The following RBFOX1 variants were observed in gnomAD, a reference collection of about 807,000 sequenced individuals.
RBFOX1 encodes RNA binding protein fox-1 homolog 1.
RBFOX1 carries 8 observed loss-of-function variants against 57.7 expected under a neutral mutation model. The observed-to-expected ratio is 0.14, with a 90% confidence interval of 0.08 to 0.25. RBFOX1 has a LOEUF of 0.25. RBFOX1 is among the 10% of genes least tolerant of loss of function. The pLI is 1.00. For missense variants in RBFOX1, 611 were observed against 548.5 expected (o/e 1.11, Z -1.14); for synonymous variants, 326 against 222.4 (o/e 1.47, Z -4.15).
chr16:6,915,802 C>G (rs932091287), intron 3 of RBFOX1, among the ~76,000 whole-genome samples: 4 of 152,106 alleles, frequency 2.6e-5, no homozygotes, highest in African/African-American at 7.2e-5. Context: ...TCTGCCTGCC[C>G]TGGCCTCGCA....
At chr16:5,991,110 C>T (rs1347742228) in intron 4 of RBFOX1, among the ~76,000 whole-genome samples, 1 of 152,176 alleles carries the variant, frequency 6.6e-6, no homozygotes, top group African/African-American at 2.4e-5. Context: ...GCTTGGCTCC[C>T]CTTGCCCCTC....
intron 4 of RBFOX1, among the ~76,000 whole-genome samples, chr16:7,065,430 A>C (rs1449605523): frequency 6.6e-6 from 1 of 152,098 alleles, no homozygotes; most frequent in African/African-American, 2.4e-5. Context: ...CTCTGTCCAC[A>C]TGCTCCATGG....
Position 7,305,081 on chromosome 16 carries a change from G to C in RBFOX1, c.28-213066G>C, listed in dbSNP as rs538837790. ...GGCAATGCTGTGAAGAAGGTGAGCT[G>C]TTTAGGATGTTGTCTTTGTTGGCAT... On this transcript the variant is annotated intron_variant, in intron 4 of 15. Transcript: ENST00000550418. Among the ~76,000 whole-genome samples, 87 of 151,784 alleles carry C rather than the reference G, an allele frequency of 5.7e-4. 3 individuals carry two copies. The South Asian group carries it at 0.018, about 31-fold the overall frequency.
chr16:6,241,677 A>G (rs1403473979), intron 1 of RBFOX1, among the ~76,000 whole-genome samples: 3 of 152,200 alleles, frequency 2.0e-5, no homozygotes, highest in Non-Finnish European at 4.4e-5. Flanking sequence ...TTTAATGAAC[A>G]CTGATACTGA....
At chr16:5,500,035 A>C (rs1219315448) in intron 2 of RBFOX1, among the ~76,000 whole-genome samples, 2 of 152,008 alleles carry the variant, frequency 1.3e-5, no homozygotes, top group Non-Finnish European at 2.9e-5. Flanking sequence ...TCTGTGATCC[A>C]TGCAAACCCA....
At chr16:6,912,469 G>T (rs189068105) in intron 3 of RBFOX1, among the ~76,000 whole-genome samples, 1 of 152,082 alleles carries the variant, frequency 6.6e-6, no homozygotes, top group Admixed American at 6.6e-5. Flanking sequence ...CCAGCCCTGC[G>T]GCTCAGATAG....
At chr16:7,626,107 A>G (rs1040667053) in intron 10 of RBFOX1, among the ~76,000 whole-genome samples, 1 of 152,242 alleles carries the variant, frequency 6.6e-6, no homozygotes, top group Non-Finnish European at 1.5e-5. Context: ...AGAGCAAGGA[A>G]AAGATTTCCT....
At chr16:6,993,770 A>T (rs1296109716) in intron 3 of RBFOX1, among the ~76,000 whole-genome samples, 1 of 152,182 alleles carries the variant, frequency 6.6e-6, no homozygotes, top group Non-Finnish European at 1.5e-5. Flanking sequence ...GGGAGATCAT[A>T]AATCTGCCAT....
upstream of RBFOX1, among the ~76,000 whole-genome samples, chr16:6,018,091 C>G (rs537749681): frequency 4.2e-4 from 64 of 152,112 alleles, 2 homozygotes; most frequent in South Asian, 0.013. Flanking sequence ...CAAATTACAA[C>G]TCACTGAACC....
At chr16:6,495,781 C>T (rs1000398254) in intron 2 of RBFOX1, among the ~76,000 whole-genome samples, 4 of 152,286 alleles carry the variant, frequency 2.6e-5, no homozygotes, top group Admixed American at 1.3e-4. Context: ...TGGCCCAAAT[C>T]TCTCCTATGG....
intron 4 of RBFOX1, among the ~76,000 whole-genome samples, chr16:7,391,615 C>CT (rs1483264018): frequency 6.6e-6 from 1 of 152,182 alleles, no homozygotes; most frequent in Non-Finnish European, 1.5e-5. Flanking sequence ...TCATTTGTAG[C>CT]TTGCATCATC....
At chr16:6,640,408 A>G (rs978677393) in intron 2 of RBFOX1, among the ~76,000 whole-genome samples, 1 of 152,122 alleles carries the variant, frequency 6.6e-6, no homozygotes, top group Non-Finnish European at 1.5e-5. Context: ...CAGGAGTGTG[A>G]GACCAGCCTG....
chr16:6,988,133 T>G (rs1251026790), intron 3 of RBFOX1, among the ~76,000 whole-genome samples: 1 of 152,072 alleles, frequency 6.6e-6, no homozygotes, highest in Non-Finnish European at 1.5e-5. Flanking sequence ...TAGGAATACA[T>G]AAAAAAGAAA....
intron 1 of RBFOX1, among the ~76,000 whole-genome samples, chr16:6,170,381 A>T (rs925249281): frequency 6.6e-6 from 1 of 152,130 alleles, no homozygotes; most frequent in Non-Finnish European, 1.5e-5. Context: ...CATGTAATCA[A>T]TCTGCAGTAA....
chr16:5,969,531 C>G (rs1177579481), intron 4 of RBFOX1, among the ~76,000 whole-genome samples: 3 of 144,966 alleles, frequency 2.1e-5, no homozygotes, highest in African/African-American at 7.7e-5. Flanking sequence ...ACTGTGTTGG[C>G]CAGGCTGGTC....
At chr16:7,285,075 C>CTTT (rs58959488) in intron 4 of RBFOX1, among the ~76,000 whole-genome samples, 537 of 42,724 alleles carry the variant, frequency 0.013, 136 homozygotes, top group Non-Finnish European at 0.021. Context: ...AGATTCCTTA[C>CTTT]TTTTTTTTTT....
At chr16:7,663,037 G>A (rs942648264) in intron 12 of RBFOX1, among the ~76,000 whole-genome samples, 2 of 152,202 alleles carry the variant, frequency 1.3e-5, no homozygotes, top group African/African-American at 2.4e-5. Flanking sequence ...GGCATTGCAC[G>A]TGCAAGGGCA....
chr16:6,086,748 T>A (rs931805178), intron 1 of RBFOX1, among the ~76,000 whole-genome samples: 1 of 152,218 alleles, frequency 6.6e-6, no homozygotes, highest in East Asian at 1.9e-4. Context: ...TTGCATCACC[T>A]TGTACAAAAG....
chr16:6,745,184 G>A (rs148670305), intron 3 of RBFOX1, among the ~76,000 whole-genome samples: 1 of 152,036 alleles, frequency 6.6e-6, no homozygotes, highest in Non-Finnish European at 1.5e-5. Flanking sequence ...TAAATCTGGA[G>A]TTGAAAATCT....
Sources: gnomAD v4.1 joint callset for allele counts (sites outside exome capture counted in the v4.1 genomes callset) on GRCh38, gnomAD v4.1.1 for gene constraint, MANE v1.5 for transcripts, NCBI Gene and HGNC (gene_info 2026-07-23, HGNC 2026-07-21) for gene names.